RALA: variants seen among roughly 807,000 people sequenced by gnomAD.
RALA encodes the protein ras-related protein Ral-A.
RALA carries 5 observed loss-of-function variants against 24.0 expected under a neutral mutation model. That is an observed-to-expected ratio of 0.21 (90% CI 0.11 to 0.44). The LOEUF is 0.44. Ranked by LOEUF, RALA falls within the 20% of genes least tolerant of loss-of-function variation. The pLI, the probability that RALA is intolerant of heterozygous loss-of-function variation, is 0.99. For missense variants in RALA, 95 were observed against 241.2 expected (o/e 0.39, Z 4.01); for synonymous variants, 77 against 83.8 (o/e 0.92, Z 0.44).
intron 1 of RALA, among the ~76,000 whole-genome samples, chr7:39,683,619 G>C (rs1307023583): frequency 1.1e-4 from 17 of 152,116 alleles, no homozygotes; most frequent in Admixed American, 1.0e-3. Context: ...TTTAAAATGG[G>C]GGTCGAGTAG....
chr7:39,669,314 C>A (rs1048758268), intron 1 of RALA, among the ~76,000 whole-genome samples: 2 of 151,954 alleles, frequency 1.3e-5, no homozygotes, highest in African/African-American at 4.8e-5. Context: ...CAATGCCTAG[C>A]ATAGTACCTG....
intron 1 of RALA, among the ~76,000 whole-genome samples, chr7:39,628,015 T>A (rs1409192235): frequency 2.6e-5 from 4 of 152,022 alleles, no homozygotes; most frequent in African/African-American, 9.7e-5. Flanking sequence ...GCCTTATCTC[T>A]CTTCTTGGAT....
chr7:39,635,710 A>G (rs1236733824), intron 1 of RALA, among the ~76,000 whole-genome samples: 2 of 152,186 alleles, frequency 1.3e-5, no homozygotes, highest in Non-Finnish European at 2.9e-5. Context: ...GGAGCATACA[A>G]ACTAGATTGC....
In RALA at chr7:39,684,080, C is replaced by T. The variant is rs1792652548; in HGVS notation, c.-37-2551C>T. Among the ~76,000 whole-genome samples, 3 of 152,288 alleles carry T rather than the reference C, an allele frequency of 2.0e-5. No homozygotes were observed. In the South Asian group the frequency reaches 6.2e-4, roughly 32 times the overall value. On this transcript the variant is annotated intron_variant, in intron 1 of 4. Transcript: ENST00000005257. The stretch of plus-strand genomic sequence containing the variant: ...TGGCTTAGACTTGGTATCTTTCAGA[C>T]TTTTAGTTACCTGCAGTGTACTGTA...
At chr7:39,697,112 CCTGA>C (rs1328349830) in intron 4 of RALA, among the ~76,000 whole-genome samples, 1 of 152,096 alleles carries the variant, frequency 6.6e-6, no homozygotes, top group Non-Finnish European at 1.5e-5. Flanking sequence ...TGATGGCATT[CCTGA>C]CTTTTTTCCC....
At chr7:39,647,076 T>G (rs954423829) in intron 1 of RALA, among the ~76,000 whole-genome samples, 6 of 152,326 alleles carry the variant, frequency 3.9e-5, no homozygotes, top group Admixed American at 3.3e-4. Flanking sequence ...AGGGTCTCAC[T>G]GTGTCACCCA....
intron 1 of RALA, among the ~76,000 whole-genome samples, chr7:39,625,185 G>T (rs553999557): frequency 6.6e-6 from 1 of 152,274 alleles, no homozygotes; most frequent in South Asian, 2.1e-4. Context: ...TGTTGGGCTA[G>T]GCTGTTTGTT....
chr7:39,695,361 TTA>T (rs1471725755), intron 3 of RALA, among the ~76,000 whole-genome samples: 4 of 152,126 alleles, frequency 2.6e-5, no homozygotes, highest in African/African-American at 9.7e-5. Context: ...TAAATAGTTG[TTA>T]TTCTGCATTT....
intron 1 of RALA, among the ~76,000 whole-genome samples, chr7:39,667,510 C>T (rs1375673402): frequency 6.6e-6 from 1 of 152,210 alleles, no homozygotes; most frequent in Non-Finnish European, 1.5e-5. Context: ...AAGGGCTACC[C>T]AGCATTCCCG....
chr7:39,701,478 C>G (rs962004414), intron 4 of RALA, among the ~76,000 whole-genome samples: 9 of 152,120 alleles, frequency 5.9e-5, no homozygotes, highest in Non-Finnish European at 7.4e-5. Context: ...AACCACTACC[C>G]TCCAGCCTGG....
intron 1 of RALA, among the ~76,000 whole-genome samples, chr7:39,628,498 C>T (rs1300215862): frequency 2.0e-5 from 3 of 152,118 alleles, no homozygotes; most frequent in Non-Finnish European, 4.4e-5. Flanking sequence ...CCCTTATTAT[C>T]GCAGTAATTT....
At chr7:39,682,310 G>A (rs1487285136) in intron 1 of RALA, among the ~76,000 whole-genome samples, 1 of 134,018 alleles carries the variant, frequency 7.5e-6, no homozygotes, top group Non-Finnish European at 1.8e-5. Flanking sequence ...TACCATTGCT[G>A]CTGCTGCTGC....
At chr7:39,633,568 A>G (rs1471242681) in intron 1 of RALA, among the ~76,000 whole-genome samples, 1 of 152,162 alleles carries the variant, frequency 6.6e-6, no homozygotes, top group African/African-American at 2.4e-5. Context: ...CCCTCCCTCA[A>G]CAAGTGGGGT....
At chr7:39,637,008 G>A (rs2158548) in intron 1 of RALA, among the ~76,000 whole-genome samples, 105,794 of 152,096 alleles carry the variant, frequency 0.7, 37,403 homozygotes, top group African/African-American at 0.82. Context: ...TTTGGTGAGG[G>A]CACAGAGTCA....
chr7:39,689,577 A>G (rs1792778778), intron 2 of RALA, among the ~76,000 whole-genome samples: 1 of 152,208 alleles, frequency 6.6e-6, no homozygotes, highest in Admixed American at 6.5e-5. Flanking sequence ...GAGCTAATAA[A>G]AAACCCACAA....
chr7:39,659,525 G>C (rs766740599), intron 1 of RALA, among the ~76,000 whole-genome samples: 1 of 151,968 alleles, frequency 6.6e-6, no homozygotes, highest in Non-Finnish European at 1.5e-5. Flanking sequence ...GCTGTAGTTC[G>C]TTATTAACTT....
At position 39,692,349 on chromosome 7, in the gene RALA, A is replaced by G. The variant is rs75972787; in HGVS notation, c.323+1759A>G. On this transcript the variant is annotated intron_variant, in intron 3 of 4. Transcript: ENST00000005257. ...TATCCCCAGTACCTATATATGCCAT[A>G]GTTCATAGCATATAATCTATAGTAA... Among the ~76,000 whole-genome samples the G allele has an allele frequency of 2.0e-3, 307 of 152,256 alleles. 1 individual carries two copies. The highest frequency in any genetic ancestry group is 7.0e-3 in the African/African-American group (289 of 41,546).
At chr7:39,659,337 TAGGA>T (rs1001583012) in intron 1 of RALA, among the ~76,000 whole-genome samples, 2 of 151,976 alleles carry the variant, frequency 1.3e-5, no homozygotes, top group African/African-American at 4.8e-5. Flanking sequence ...TCAGTACTCT[TAGGA>T]AGAAAAATAT....
At chr7:39,676,194 C>G (rs918881579) in intron 1 of RALA, among the ~76,000 whole-genome samples, 56 of 152,272 alleles carry the variant, frequency 3.7e-4, no homozygotes, top group African/African-American at 1.3e-3. Context: ...CCAGGATGGT[C>G]TCGATCTCCT....
Sources: allele counts gnomAD v4.1 joint callset (sites outside exome capture counted in the v4.1 genomes callset), GRCh38; gene constraint gnomAD v4.1.1; transcripts MANE v1.5; gene names NCBI Gene and HGNC (gene_info 2026-07-23, HGNC 2026-07-21).